Variants in PLCE1 observed in about 807,000 individuals in gnomAD.
PLCE1 encodes 1-phosphatidylinositol 4,5-bisphosphate phosphodiesterase epsilon-1.
A neutral mutation model predicts 242.8 loss-of-function variants in PLCE1; 119 were observed. The ratio of observed to expected loss-of-function variants is 0.49; its 90% confidence interval spans 0.42 to 0.57. The LOEUF (loss-of-function observed/expected upper bound fraction) is 0.57, where lower values mean the gene tolerates loss of function less well. Ranked by LOEUF, PLCE1 falls within the 20% of genes least tolerant of loss-of-function variation. The pLI is 0.00. For missense variants in PLCE1, 2,441 were observed against 2,788.8 expected (o/e 0.88, Z 2.81); for synonymous variants, 945 against 1,017.4 (o/e 0.93, Z 1.35).
chr10:94,142,956 CA>C (rs2047014106), intron 3 of PLCE1, among the ~76,000 whole-genome samples: 1 of 152,134 alleles, frequency 6.6e-6, no homozygotes, highest in South Asian at 2.1e-4. Context: ...TAACAGCAAA[CA>C]AAATACAGTC....
intron 4 of PLCE1, among the ~76,000 whole-genome samples, chr10:94,181,212 C>T (rs938793449): frequency 2.0e-5 from 3 of 152,140 alleles, no homozygotes; most frequent in South Asian, 2.1e-4. Flanking sequence ...TGCACGTATC[C>T]GTAGCCCACC....
At chr10:94,290,699 GTA>G (rs139733748) in intron 22 of PLCE1, among the ~76,000 whole-genome samples, 230 of 149,712 alleles carry the variant, frequency 1.5e-3, no homozygotes, top group Non-Finnish European at 2.6e-3. Flanking sequence ...TTAAAAAAAA[GTA>G]TATATATATA....
rs145005632 is a variant in PLCE1 at position 94,060,951 on chromosome 10, G to A, written c.1206+28699G>A. ...GGCTCAATGATCATCCACCCGCCTC[G>A]GCCTCCCAAAATGCTGGGATTACAG... On this transcript the variant is annotated intron_variant, in intron 2 of 32. Coordinates refer to ENST00000371380, the MANE Select transcript of PLCE1 (RefSeq NM_016341.4). Among the ~76,000 whole-genome samples the A allele has an allele frequency of 4.0e-3, 613 of 151,876 alleles. 3 individuals are homozygous for A. The highest frequency in any genetic ancestry group is 0.014 in the African/African-American group (579 of 41,406).
chr10:94,309,915 ACC>A (rs1467389114), intron 27 of PLCE1, among the ~76,000 whole-genome samples: 1 of 152,096 alleles, frequency 6.6e-6, no homozygotes, highest in Non-Finnish European at 1.5e-5. Flanking sequence ...AGTCCCAGCT[ACC>A]TGGGAGGCTG....
At chr10:94,027,682 G>A (rs1352816498) in intron 1 of PLCE1, among the ~76,000 whole-genome samples, 10 of 152,068 alleles carry the variant, frequency 6.6e-5, no homozygotes, top group Non-Finnish European at 1.0e-4. Context: ...TTAACTGGGC[G>A]TGGTGGCACA....
chr10:94,263,658 C>A, intron 14 of PLCE1, among the ~76,000 whole-genome samples: 1 of 152,032 alleles, frequency 6.6e-6, no homozygotes. Context: ...CACACCACCG[C>A]ACACCAGTCT....
intron 29 of PLCE1, 149 bp downstream of exon 29, chr10:94,316,905 C>G (rs2053595469): frequency 1.4e-6 from 1 of 705,020 alleles, no homozygotes; most frequent in Admixed American, 2.0e-5. Flanking sequence ...CAGTTTTATT[C>G]TTCTGCACAT....
intron 2 of PLCE1, among the ~76,000 whole-genome samples, chr10:94,128,210 T>A (rs2046492393): frequency 6.6e-6 from 1 of 152,138 alleles, no homozygotes; most frequent in Admixed American, 6.5e-5. Context: ...CTGGTCTTGA[T>A]CTTCTGACCT....
intron 3 of PLCE1, among the ~76,000 whole-genome samples, chr10:94,159,356 A>G (rs572921505): frequency 5.3e-4 from 80 of 152,242 alleles, no homozygotes; most frequent in African/African-American, 1.9e-3. Context: ...CTTTTTCTAA[A>G]CCCATCACTT....
chr10:94,187,274 T>C (rs2048511342), intron 4 of PLCE1, among the ~76,000 whole-genome samples: 1 of 151,980 alleles, frequency 6.6e-6, no homozygotes, highest in Non-Finnish European at 1.5e-5. Flanking sequence ...AATTCTGGTT[T>C]GTTGGAAGGG....
At chr10:94,051,967 T>C (rs898858010) in intron 2 of PLCE1, among the ~76,000 whole-genome samples, 16 of 152,252 alleles carry the variant, frequency 1.1e-4, no homozygotes, top group African/African-American at 3.6e-4. Flanking sequence ...AAACAGTTCA[T>C]TGGTTCTGGT....
intron 1 of PLCE1, among the ~76,000 whole-genome samples, chr10:94,005,349 G>T: frequency 6.6e-6 from 1 of 152,170 alleles, no homozygotes. Context: ...TCACATAAAT[G>T]CTCTACTATT....
chr10:94,206,085 G>A (rs866747345), intron 4 of PLCE1, among the ~76,000 whole-genome samples: 2 of 152,178 alleles, frequency 1.3e-5, no homozygotes, highest in African/African-American at 2.4e-5. Context: ...ATAAAGCAAG[G>A]CAGAGGGATG....
intron 2 of PLCE1, among the ~76,000 whole-genome samples, chr10:94,036,838 C>T (rs1178800947): frequency 6.6e-6 from 1 of 152,176 alleles, no homozygotes; most frequent in Non-Finnish European, 1.5e-5. Context: ...CTGAGATCCA[C>T]GTGCACTCAG....
rs533498357 is a variant in PLCE1 at position 94,154,707 on chromosome 10, CACA to C, written c.1493-16469_1493-16467del. ...TGGCCAATAAGCATGTGAAAAGATG[CACA>C]ACATCATTAGTCGTTAGGAATATTA... On this transcript the variant is annotated intron_variant, in intron 3 of 32. Transcript: ENST00000371380. Among the ~76,000 whole-genome samples the C allele has an allele frequency of 3.3e-5, 5 of 151,888 alleles. No individual in the cohort carries two copies. The South Asian group carries it at 8.3e-4, about 25-fold the overall frequency.
rs570830652 is a variant in PLCE1, at chr10:94,152,659, C to T, written c.1493-18521C>T. 2.6e-5 allele frequency among the ~76,000 whole-genome samples: 4 copies of T among 152,266 alleles called. No homozygotes were observed. In the East Asian group the frequency reaches 5.8e-4, roughly 22 times the overall value. Reference sequence around the variant, plus strand: ...TGGAATGCTAATTGTACGTCAGCCACGGAGTTGCTGATAGAACTGAATAAG... The same window carrying T: ...TGGAATGCTAATTGTACGTCAGCCATGGAGTTGCTGATAGAACTGAATAAG... On this transcript the variant is annotated intron_variant, in intron 3 of 32. Coordinates refer to ENST00000371380, the MANE Select transcript of PLCE1 (RefSeq NM_016341.4).
At chr10:94,079,409 T>C (rs1051355242) in intron 2 of PLCE1, among the ~76,000 whole-genome samples, 17 of 152,002 alleles carry the variant, frequency 1.1e-4, no homozygotes, top group Non-Finnish European at 2.9e-5. Context: ...CGGTTTTCAT[T>C]ATGAAAGGGG....
Position 94,270,473 on chromosome 10 carries a change from T to C in PLCE1, c.4390-13T>C, listed in dbSNP as rs1313664553. 2 of 1,566,994 alleles carry C rather than the reference T, an allele frequency of 1.3e-6. No individual in the cohort carries two copies. Reference sequence around the variant, plus strand: ...GATATCTGGACTCTAATGAGCTGTTTTGGCTCTCATAGGAAGTGGTTGAAG... The same window carrying C: ...GATATCTGGACTCTAATGAGCTGTTCTGGCTCTCATAGGAAGTGGTTGAAG... On this transcript the variant is annotated splice_polypyrimidine_tract_variant and intron_variant, in intron 17 of 32. Coordinates refer to ENST00000371380, the MANE Select transcript of PLCE1 (RefSeq NM_016341.4).
chr10:94,174,030 T>A (rs533387918), intron 4 of PLCE1, among the ~76,000 whole-genome samples: 2 of 152,330 alleles, frequency 1.3e-5, no homozygotes, highest in South Asian at 4.1e-4. Context: ...TGCCTTGAAA[T>A]TAGCATGGCT....
Sources: gnomAD v4.1 joint callset for allele counts (sites outside exome capture counted in the v4.1 genomes callset) on GRCh38, gnomAD v4.1.1 for gene constraint, MANE v1.5 for transcripts, NCBI Gene and HGNC (gene_info 2026-07-23, HGNC 2026-07-21) for gene names.